Variants in EHF observed in about 807,000 individuals in gnomAD.
The protein encoded by EHF is ESE3 transcription factor.
EHF carries 14 observed loss-of-function variants against 45.1 expected under a neutral mutation model. That is an observed-to-expected ratio of 0.31 (90% confidence interval 0.21 to 0.49). EHF has a LOEUF of 0.49. Ranked by LOEUF, EHF falls within the 20% of genes least tolerant of loss-of-function variation. The pLI is 0.99. For missense variants in EHF, 282 were observed against 371.4 expected (o/e 0.76, Z 1.98); for synonymous variants, 136 against 131.8 (o/e 1.03, Z -0.22).
chr11:34,639,365 C>T (rs1411121803), intron 1 of EHF, among the ~76,000 whole-genome samples: 1 of 152,228 alleles, frequency 6.6e-6, no homozygotes, highest in East Asian at 1.9e-4. Flanking sequence ...TTACTATATA[C>T]TACAGAAAGT....
chr11:34,646,298 T>C, intron 2 of EHF, 141 bp from the exon 3 acceptor site: 1 of 1,352,990 alleles, frequency 7.4e-7, no homozygotes, highest in East Asian at 2.3e-5. Flanking sequence ...AATGCACTTC[T>C]GCTCCATCAC....
rs948175730 is a variant in EHF at position 34,622,348 on chromosome 11, G to A, written c.-4+1120G>A. 1.5e-5 allele frequency: 18 copies of A among 1,199,084 alleles called. No homozygotes were observed. The African/African-American group carries it at 2.6e-4, about 18-fold the overall frequency. The allele number at this position is 1,199,084 out of a possible 1,614,324, so 74.3% of individuals were successfully genotyped here. Reference sequence around the variant, plus strand: ...CACTCACCTTGGTAACAGGGAGAAAGTGAGTGAATGGATTCCAAGAACTTA... The same window carrying A: ...CACTCACCTTGGTAACAGGGAGAAAATGAGTGAATGGATTCCAAGAACTTA... On this transcript the variant is annotated intron_variant, in intron 1 of 8. Transcript: ENST00000257831.
At chr11:34,632,329 A>G (rs137976858) in intron 1 of EHF, 39 of 609,648 alleles carry the variant, frequency 6.4e-5, no homozygotes, top group African/African-American at 6.3e-4. Context: ...AGGTATTCAG[A>G]AGATAACAGA....
chr11:34,651,320 G>C (rs898836243), intron 4 of EHF, among the ~76,000 whole-genome samples: 4 of 152,028 alleles, frequency 2.6e-5, no homozygotes, highest in Non-Finnish European at 5.9e-5. Context: ...AAATGCAATA[G>C]GTACAGAACA....
At chr11:34,643,901 T>C (rs1414389043) in intron 2 of EHF, among the ~76,000 whole-genome samples, 1 of 152,220 alleles carries the variant, frequency 6.6e-6, no homozygotes, top group African/African-American at 2.4e-5. Flanking sequence ...GAAGTAGAAC[T>C]GGGGTGCCAC....
In EHF at chr11:34,642,637, C is replaced by T. The variant is rs892080024; in HGVS notation, c.7C>T (p.Leu3=). 4.3e-6 allele frequency: 7 copies of T among 1,613,032 alleles called. No homozygotes were observed. Among genetic ancestry groups the T allele is most frequent in the Non-Finnish European group, 5.9e-6 (7 of 1,179,174 alleles). Residue 3 remains leucine, a synonymous_variant, in exon 2 of 9, where the codon CTG becomes TTG. Coordinates refer to ENST00000257831, the MANE Select transcript of EHF (RefSeq NM_012153.6). ...TTTGATCCCCTAACAGATCATGATT[C>T]TGGAAGGAGGTGGTGTAATGAATCT... The part of the protein sequence containing the change: MI[L]EGGGVMNLNP...
At chr11:34,629,247 T>G (rs890811709) in intron 1 of EHF, among the ~76,000 whole-genome samples, 3 of 152,230 alleles carry the variant, frequency 2.0e-5, no homozygotes, top group African/African-American at 7.2e-5. Flanking sequence ...GAAAGGGATT[T>G]AATCCCTTGA....
At chr11:34,623,618 T>C (rs1314425184) in intron 1 of EHF, among the ~76,000 whole-genome samples, 1 of 152,202 alleles carries the variant, frequency 6.6e-6, no homozygotes, top group African/African-American at 2.4e-5. Flanking sequence ...GTTTACTAGG[T>C]TGCATTCAAT....
chr11:34,643,159 G>A (rs749291908), intron 2 of EHF, among the ~76,000 whole-genome samples: 6 of 151,794 alleles, frequency 4.0e-5, no homozygotes, highest in Middle Eastern at 3.4e-3. Context: ...TTCTTTTTTC[G>A]TCTTCCAGTG....
chr11:34,657,381 G>A (rs2274438), intron 7 of EHF, among the ~76,000 whole-genome samples: 10,876 of 152,268 alleles, frequency 0.071, 964 homozygotes, highest in East Asian at 0.42. Context: ...ACCATTCCAA[G>A]AAATGACTGT....
chr11:34,635,597 T>C (rs286912), intron 1 of EHF, among the ~76,000 whole-genome samples: 46,654 of 151,496 alleles, frequency 0.31, 7,257 homozygotes, highest in Admixed American at 0.38. Context: ...CCTTATTCTT[T>C]GCAGTATTTG....
intron 1 of EHF, among the ~76,000 whole-genome samples, chr11:34,629,180 T>C (rs1852650924): frequency 6.6e-6 from 1 of 152,212 alleles, no homozygotes; most frequent in South Asian, 2.1e-4. Flanking sequence ...TTTCCAGTTT[T>C]GTTTGAGCTC....
intron 1 of EHF, among the ~76,000 whole-genome samples, chr11:34,639,196 G>T (rs536418616): frequency 2.0e-5 from 3 of 152,078 alleles, no homozygotes; most frequent in Non-Finnish European, 1.5e-5. Context: ...AGGAATCTCA[G>T]ATTCTGAAGT....
At chr11:34,632,487 G>A (rs1197477688) in intron 1 of EHF, 1 of 1,530,066 alleles carries the variant, frequency 6.5e-7, no homozygotes, top group Non-Finnish European at 8.7e-7. Flanking sequence ...ATTCTGCCCT[G>A]AGTGGAGATT....
intron 4 of EHF, among the ~76,000 whole-genome samples, chr11:34,650,032 G>T (rs1030454608): frequency 6.6e-6 from 1 of 152,250 alleles, no homozygotes; most frequent in Non-Finnish European, 1.5e-5. Flanking sequence ...CTCTTCAGAG[G>T]CCAGGGGATG....
chr11:34,632,890 G>A lies in EHF; in HGVS notation c.-3-9738G>A, dbSNP rs77468222. On this transcript the variant is annotated intron_variant, in intron 1 of 8. Coordinates refer to ENST00000257831, the MANE Select transcript of EHF (RefSeq NM_012153.6). The stretch of plus-strand genomic sequence containing the variant: ...CATCTAGTAGACACTTGGTAAATAT[G>A]TATGAATTACAGAGGGTCTGAGACA... 1.8e-3 allele frequency among the ~76,000 whole-genome samples: 271 copies of A among 152,286 alleles called. 1 individual carries two copies. Among genetic ancestry groups the A allele is most frequent in the African/African-American group, 6.3e-3 (263 of 41,566 alleles).
At chr11:34,646,327 G>C in intron 2 of EHF, 112 bp from the exon 3 acceptor site, 1 of 1,519,488 alleles carries the variant, frequency 6.6e-7, no homozygotes, top group Admixed American at 1.8e-5. Context: ...GCACATACAC[G>C]GACTGTGGTT....
At chr11:34,624,074 G>C (rs768626579) in intron 1 of EHF, among the ~76,000 whole-genome samples, 2 of 152,234 alleles carry the variant, frequency 1.3e-5, no homozygotes, top group Non-Finnish European at 2.9e-5. Context: ...CAATGTTGTG[G>C]TTTTAAGGAA....
intron 1 of EHF, among the ~76,000 whole-genome samples, chr11:34,629,031 T>A (rs936932920): frequency 7.9e-5 from 12 of 152,212 alleles, no homozygotes; most frequent in Non-Finnish European, 1.6e-4. Flanking sequence ...ATGGAATGTA[T>A]GACAACTCCT....
Sources: allele counts gnomAD v4.1 joint callset (sites outside exome capture counted in the v4.1 genomes callset), GRCh38; gene constraint gnomAD v4.1.1; transcripts MANE v1.5; gene names NCBI Gene and HGNC (gene_info 2026-07-23, HGNC 2026-07-21).